The following ADGRB2 variants were observed in gnomAD, a reference collection of about 807,000 sequenced individuals.
ADGRB2 encodes the protein brain-specific angiogenesis inhibitor 2.
A neutral mutation model predicts 178.7 loss-of-function variants in ADGRB2; 47 were observed. That is an observed-to-expected ratio of 0.26 (90% CI 0.21 to 0.34). ADGRB2 has a LOEUF of 0.34. ADGRB2 is among the 10% of genes least tolerant of loss of function. The pLI, the probability that ADGRB2 is intolerant of heterozygous loss-of-function variation, is 1.00. For missense variants in ADGRB2, 1,584 were observed against 2,180.8 expected (o/e 0.73, Z 5.45); for synonymous variants, 870 against 912.4 (o/e 0.95, Z 0.84).
In ADGRB2 at chr1:31,756,293, A is replaced by C. The variant is rs750721540; in HGVS notation, c.544T>G (p.Phe182Val). ...LLAPAALAFR[F>V]VEVLLINNNN... ...TTGTTGATGAGCAAGACCTCGACAA[A>C]GCGGAAGGCTAGGGCAGCGGGCGCC... Residue 182 changes from phenylalanine to valine, a missense_variant, in exon 4 of 33, where the codon TTT becomes GTT. Around this residue, in one of 3 missense-constraint regions of ADGRB2, gnomAD observed 657 missense variants for 847.6 expected, o/e 0.78. Transcript: ENST00000373658. This position sits in a 1 kb window ranked among gnomAD's most constrained non-coding sequence, Gnocchi z 8.5. 1.9e-6 allele frequency: 3 copies of C among 1,613,060 alleles called. No homozygotes were observed. Among genetic ancestry groups the C allele is most frequent in the Admixed American group, 1.7e-5 (1 of 60,032 alleles).
Position 31,755,428 on chromosome 1 carries a change from C to T in ADGRB2, c.838+571G>A, listed in dbSNP as rs760213570. On this transcript the variant is annotated intron_variant, in intron 4 of 32. Transcript: ENST00000373658. The surrounding 1 kb of genome is among the most constrained non-coding windows in gnomAD (Gnocchi z 5.1). ...TGGGAGCTGAGCCAGCCCAGCCCTCCAAGGCAGCCTGGAAGCTCAGGCCTC... is the reference window on the plus strand; with the variant it reads ...TGGGAGCTGAGCCAGCCCAGCCCTCTAAGGCAGCCTGGAAGCTCAGGCCTC... Among the ~76,000 whole-genome samples the T allele has an allele frequency of 6.6e-6, 1 of 152,160 alleles. No homozygotes were observed. The highest frequency in any genetic ancestry group is 2.4e-5 in the African/African-American group (1 of 41,444).
chr1:31,757,410 C>T lies in ADGRB2; in HGVS notation c.-89G>A, dbSNP rs970526659. 1.0e-5 allele frequency: 8 copies of T among 763,434 alleles called. No individual in the cohort carries two copies. The East Asian group carries it at 1.1e-4, about 10-fold the overall frequency. The allele number at this position is 763,434 out of a possible 1,614,324, so 47.3% of individuals were successfully genotyped here. On this transcript the variant is annotated 5_prime_UTR_variant, in exon 2 of 33. Coordinates refer to ENST00000373658, the MANE Select transcript of ADGRB2 (RefSeq NM_001364857.2). ...CTTTACTGAGAGGGAGAGAAAGGGG[C>T]GGAGTTACAGCCAGTGTGCCAGGAA...
chr1:31,736,962 AC>A (rs1645645410), intron 20 of ADGRB2, among the ~76,000 whole-genome samples: 1 of 152,170 alleles, frequency 6.6e-6, no homozygotes, highest in Admixed American at 6.5e-5. Context: ...CCACGCACAG[AC>A]GGGGCTGGCA....
At chr1:31,762,789 G>A (rs1647079345) in intron 1 of ADGRB2, among the ~76,000 whole-genome samples, 2 of 152,362 alleles carry the variant, frequency 1.3e-5, no homozygotes, top group South Asian at 4.1e-4. Flanking sequence ...GCCCGCGGGA[G>A]AAGGGGTGGC....
intron 29 of ADGRB2, among the ~76,000 whole-genome samples, chr1:31,729,091 C>T (rs866740597): frequency 1.3e-5 from 2 of 152,136 alleles, no homozygotes; most frequent in Non-Finnish European, 2.9e-5. Flanking sequence ...CCAAACCAGG[C>T]GCTGCCTCCC....
At position 31,736,409 on chromosome 1, in the gene ADGRB2, C is replaced by T. The variant is rs1188200817; in HGVS notation, c.3131-19G>A. 3 of 1,613,560 alleles carry T rather than the reference C, an allele frequency of 1.9e-6. No individual in the cohort carries two copies. The highest frequency in any genetic ancestry group is 2.5e-6 in the Non-Finnish European group (3 of 1,179,838). ...GGCAGACCTGGGGGAGCAGGGGTGC[C>T]AGAGTGAGATGGTTGCTGGTCTTCA... On this transcript the variant is annotated intron_variant, in intron 21 of 32. Transcript: ENST00000373658.
chr1:31,759,195 C>T lies in ADGRB2; in HGVS notation c.-190-1684G>A, dbSNP rs558057743. The stretch of plus-strand genomic sequence containing the variant: ...ATACATATGTACACGGACATGCACA[C>T]AGGTGAAACCCACAGATTCATGCTG... On this transcript the variant is annotated intron_variant, in intron 1 of 32. Coordinates refer to ENST00000373658, the MANE Select transcript of ADGRB2 (RefSeq NM_001364857.2). This position sits in a 1 kb window ranked among gnomAD's most constrained non-coding sequence, Gnocchi z 4.3. 1.4e-6 allele frequency: 1 copy of T among 737,490 alleles called. No individual in the cohort carries two copies. The highest frequency in any genetic ancestry group is 2.5e-5 in the East Asian group (1 of 40,738). The allele number at this position is 737,490 out of a possible 1,614,324, so 45.7% of individuals were successfully genotyped here. A position where few individuals can be genotyped will look rare whatever the true frequency, so the allele number is the denominator to read the frequency against.
chr1:31,743,074 C>T, intron 6 of ADGRB2, 72 bp from the exon 7 acceptor site: 1 of 1,338,302 alleles, frequency 7.5e-7, no homozygotes, highest in African/African-American at 1.5e-5. Flanking sequence ...TGCCCATCCG[C>T]CCACCAATCA....
At position 31,751,833 on chromosome 1, in the gene ADGRB2, T is replaced by C. The variant is rs372715628; in HGVS notation, c.838+4166A>G. ...GTGGTTTAATCCCTTACTCTTCCTC[T>C]TCCTTTGACATCTGGCAGGGTCACA... On this transcript the variant is annotated intron_variant, in intron 4 of 32. Transcript: ENST00000373658. Among the ~76,000 whole-genome samples, 10 of 152,314 alleles carry C rather than the reference T, an allele frequency of 6.6e-5. No individual in the cohort carries two copies. The South Asian group carries it at 2.1e-3, about 32-fold the overall frequency.
At position 31,744,512 on chromosome 1, in the gene ADGRB2, T is replaced by C; in HGVS notation, c.922+136A>G. 6.9e-7 allele frequency: 1 copy of C among 1,439,552 alleles called. No homozygotes were observed. The allele number at this position is 1,439,552 out of a possible 1,614,324, so 89.2% of individuals were successfully genotyped here. A position where few individuals can be genotyped will look rare whatever the true frequency, so the allele number is the denominator to read the frequency against. On this transcript the variant is annotated intron_variant, in intron 5 of 32. Transcript: ENST00000373658. The surrounding 1 kb of genome is among the most constrained non-coding windows in gnomAD (Gnocchi z 6.7). ...GGCTCTTCAGGAGGCCACCCAGCCC[T>C]TCCCACAAGCTTCATGTGGCACAGA... is the stretch of plus-strand genomic sequence containing the variant.
chr1:31,751,145 C>T (rs1367115576), intron 4 of ADGRB2, among the ~76,000 whole-genome samples: 1 of 152,224 alleles, frequency 6.6e-6, no homozygotes, highest in Non-Finnish European at 1.5e-5. Context: ...TCCAGCAGCT[C>T]CAGTCTCTTT....
chr1:31,763,021 A>G (rs1233321401), intron 1 of ADGRB2, among the ~76,000 whole-genome samples: 3 of 152,176 alleles, frequency 2.0e-5, no homozygotes, highest in South Asian at 2.1e-4. Flanking sequence ...TTCACAGCCT[A>G]CAACCCCCTC....
intron 29 of ADGRB2, among the ~76,000 whole-genome samples, chr1:31,729,364 G>A (rs1645160994): frequency 6.6e-6 from 1 of 152,056 alleles, no homozygotes; most frequent in Admixed American, 6.5e-5. Flanking sequence ...CAGGCCTGTG[G>A]GCATGCTCAC....
rs763154816 is a variant in ADGRB2 at position 31,736,600 on chromosome 1, G to A, written c.3103C>T (p.Arg1035Cys). 16 of 1,613,958 alleles carry A rather than the reference G, an allele frequency of 9.9e-6. No individual in the cohort carries two copies. Among genetic ancestry groups the A allele is most frequent in the Admixed American group, 1.7e-5 (1 of 60,002 alleles). ...CAGCCCAGGCAGAGGAAGCGCTTGC[G>A]AACGAGGCGGGTGCGCATCCGCCCA... is the stretch of plus-strand genomic sequence containing the variant. The part of the protein sequence containing the change: ...VIGRMRTRLV[R>C]KRFLCLGWGL... The change falls in exon 21 of 33, where the codon CGC (arginine) becomes TGC (cysteine). Residue 1035 changes from arginine to cysteine, a missense_variant. Arg to Cys is a radical substitution (Grantham distance 180). Coordinates refer to ENST00000373658, the MANE Select transcript of ADGRB2 (RefSeq NM_001364857.2).
Position 31,761,230 on chromosome 1 carries a change from C to G in ADGRB2, c.-191+2654G>C, listed in dbSNP as rs1647034597. ...TCCGGCCACACTACCCAGAGGACTT[C>G]CAGCCATCACAGGTTCGAGTCCCCT... On this transcript the variant is annotated intron_variant, in intron 1 of 32. Coordinates refer to ENST00000373658, the MANE Select transcript of ADGRB2 (RefSeq NM_001364857.2). The surrounding 1 kb of genome is among the most constrained non-coding windows in gnomAD (Gnocchi z 4.2). 1.3e-5 allele frequency among the ~76,000 whole-genome samples: 2 copies of G among 152,218 alleles called. No homozygotes were observed. Among genetic ancestry groups the G allele is most frequent in the Admixed American group, 1.3e-4 (2 of 15,292 alleles).
chr1:31,742,002 G>A, intron 8 of ADGRB2, 35 bp from the exon 9 acceptor site: 1 of 1,583,820 alleles, frequency 6.3e-7, no homozygotes, highest in Non-Finnish European at 8.6e-7. Flanking sequence ...GTGGGCCCAG[G>A]TACCCCCATG....
In ADGRB2 at chr1:31,738,397, C is replaced by T. The variant is rs949618670; in HGVS notation, c.2646-71G>A. ...CCCTGCCCCCAGTCCTGGCCACTGC[C>T]CAAGGACAGGCTAAATCCACAGTAA... On this transcript the variant is annotated intron_variant, in intron 17 of 32. Coordinates refer to ENST00000373658, the MANE Select transcript of ADGRB2 (RefSeq NM_001364857.2). 4.4e-6 allele frequency: 7 copies of T among 1,599,888 alleles called. No individual in the cohort carries two copies. In the East Asian group the frequency reaches 1.6e-4, roughly 36 times the overall value.
chr1:31,738,557 T>C (rs762862332), intron 17 of ADGRB2, 30 bp downstream of exon 17: 5 of 1,595,540 alleles, frequency 3.1e-6, no homozygotes, highest in Non-Finnish European at 2.6e-6. Flanking sequence ...GGCTGCTCCC[T>C]TCCTCACCCA....
intron 4 of ADGRB2, among the ~76,000 whole-genome samples, chr1:31,745,727 C>T (rs1341650085): frequency 6.6e-6 from 1 of 152,198 alleles, no homozygotes; most frequent in East Asian, 1.9e-4. Flanking sequence ...CTCCAGGCTC[C>T]TTCCTATCTC....
Sources: gnomAD v4.1 joint callset for allele counts (sites outside exome capture counted in the v4.1 genomes callset) on GRCh38, gnomAD v4.1.1 for gene constraint, gnomAD v4.1.1 regional missense constraint, Gnocchi (gnomAD v3.1) non-coding constraint, MANE v1.5 for transcripts, NCBI Gene and HGNC (gene_info 2026-07-23, HGNC 2026-07-21) for gene names.